The following TRANK1 variants were observed in gnomAD, a reference collection of about 807,000 sequenced individuals.
TRANK1 encodes TPR and ankyrin repeat-containing protein 1.
In TRANK1, 198 loss-of-function variants were observed where a neutral mutation model predicts 266.0. The ratio of observed to expected loss-of-function variants is 0.74; its 90% CI spans 0.66 to 0.84. The LOEUF is 0.84. TRANK1 is among the 40% of genes least tolerant of loss of function. The pLI is 0.00. For synonymous variants in TRANK1, 1,396 were observed against 1,384.1 expected, an observed-to-expected ratio of 1.01 and a Z score of -0.19; for missense variants, 3,326 against 3,634.6, an observed-to-expected ratio of 0.92 and a Z score of 2.18.
intron 8 of TRANK1, among the ~76,000 whole-genome samples, chr3:36,879,664 AT>A (rs1187456935): frequency 1.0e-5 from 1 of 99,236 alleles, no homozygotes; most frequent in Non-Finnish European, 1.8e-5. Flanking sequence ...AAATATATAA[AT>A]ATATATAAAT....
At chr3:36,917,754 C>A (rs1019129714) in intron 1 of TRANK1, among the ~76,000 whole-genome samples, 4 of 152,052 alleles carry the variant, frequency 2.6e-5, no homozygotes, top group African/African-American at 9.6e-5. Context: ...GCAATATTGC[C>A]CCCAAAGGAA....
At chr3:36,928,296 G>A (rs1575328023) in intron 1 of TRANK1, among the ~76,000 whole-genome samples, 1 of 152,260 alleles carries the variant, frequency 6.6e-6, no homozygotes, top group East Asian at 1.9e-4. Flanking sequence ...TGAAGGGAAT[G>A]GGGAAAAAGT....
chr3:36,928,229 C>CA (rs1488828913), intron 1 of TRANK1, among the ~76,000 whole-genome samples: 14 of 152,130 alleles, frequency 9.2e-5, no homozygotes, highest in Non-Finnish European at 1.8e-4. Flanking sequence ...CCTTGCAAAG[C>CA]AAAAATGAAG....
At chr3:36,897,968 CA>C (rs2079816979) in intron 4 of TRANK1, among the ~76,000 whole-genome samples, 1 of 152,184 alleles carries the variant, frequency 6.6e-6, no homozygotes, top group African/African-American at 2.4e-5. Flanking sequence ...TGCAGTGACA[CA>C]AAAGCTTCCC....
chr3:36,855,899 T>G lies in TRANK1; in HGVS notation c.3823A>C (p.Ile1275Leu). 6.2e-7 allele frequency: 1 copy of G among 1,613,734 alleles called. No homozygotes were observed. The highest frequency in any genetic ancestry group is 1.1e-5 in the South Asian group (1 of 91,064). Residue 1275 changes from isoleucine to leucine, a missense_variant, in exon 13 of 24, where the codon ATA (isoleucine) becomes CTA (leucine). Coordinates refer to ENST00000645898, the MANE Select transcript of TRANK1 (RefSeq NM_001329998.2). ...NEDGSLKRTI[I>L]GWSAQEESTI... ...GACTCTTCCTGTGCAGACCATCCTA[T>G]GATGGTTCTTTTCAAGCTTCCATCT...
chr3:36,886,571 A>C (rs906082128), intron 8 of TRANK1, among the ~76,000 whole-genome samples: 2 of 152,188 alleles, frequency 1.3e-5, no homozygotes, highest in African/African-American at 4.8e-5. Flanking sequence ...AGGTGTGGTG[A>C]AAAGAGTGAA....
chr3:36,832,016 G>C lies in TRANK1; in HGVS notation c.7567C>G (p.Arg2523Gly). The change falls in exon 22 of 24, where the codon CGG becomes GGG. Residue 2523 changes from arginine to glycine, a missense_variant. Arg to Gly is a moderately radical substitution (Grantham distance 125). Coordinates refer to ENST00000645898, the MANE Select transcript of TRANK1 (RefSeq NM_001329998.2). ...TTGGCGAGGTAGGAGAGATGGAACC[G>C]GAAATCCTGAATGGCTCTTGTCACG... ...KDVTRAIQDF[R>G]FHLSYLAKVL... 1 of 1,613,976 alleles carries C rather than the reference G, an allele frequency of 6.2e-7. No homozygotes were observed. Among genetic ancestry groups the C allele is most frequent in the South Asian group, 1.1e-5 (1 of 91,080 alleles).
In TRANK1 at chr3:36,882,837, A is replaced by T. The variant is rs183037095; in HGVS notation, c.907+6992T>A. 2.4e-3 allele frequency among the ~76,000 whole-genome samples: 371 copies of T among 152,370 alleles called. 2 individuals carry two copies. Among genetic ancestry groups the T allele is most frequent in the African/African-American group, 8.0e-3 (333 of 41,586 alleles). ...GGAAAGAGACATGAACATATAATTC[A>T]TAGTAAAAGATATTAAAGTGATTCT... On this transcript the variant is annotated intron_variant, in intron 8 of 23. Coordinates refer to ENST00000645898, the MANE Select transcript of TRANK1 (RefSeq NM_001329998.2).
chr3:36,850,437 A>G, intron 15 of TRANK1: 1 of 985,430 alleles, frequency 1.0e-6, no homozygotes, highest in East Asian at 1.1e-4. Flanking sequence ...TCTGCCATCT[A>G]CATTACGACT....
At chr3:36,943,259 A>G (rs1188454809) in intron 1 of TRANK1, among the ~76,000 whole-genome samples, 1 of 152,110 alleles carries the variant, frequency 6.6e-6, no homozygotes, top group Non-Finnish European at 1.5e-5. Context: ...AAGAATAACT[A>G]TACCATGAAG....
intron 9 of TRANK1, among the ~76,000 whole-genome samples, chr3:36,871,849 T>C (rs1209357516): frequency 6.6e-6 from 1 of 152,214 alleles, no homozygotes; most frequent in Non-Finnish European, 1.5e-5. Context: ...CTTTTCTCAC[T>C]CTGGCAATTG....
chr3:36,905,736 T>C (rs1272300968), intron 2 of TRANK1, among the ~76,000 whole-genome samples: 2 of 152,170 alleles, frequency 1.3e-5, no homozygotes, highest in African/African-American at 4.8e-5. Flanking sequence ...CTCTGCAGTA[T>C]GATTCATGCT....
At chr3:36,838,786 T>A in intron 18 of TRANK1, 70 bp from the exon 19 acceptor site, 1 of 1,466,326 alleles carries the variant, frequency 6.8e-7, no homozygotes, top group Non-Finnish European at 9.4e-7. Context: ...GGTTAAAGCA[T>A]GCATTATAAG....
intron 2 of TRANK1, among the ~76,000 whole-genome samples, chr3:36,906,640 A>G (rs1163515619): frequency 6.6e-6 from 1 of 152,200 alleles, no homozygotes; most frequent in Non-Finnish European, 1.5e-5. Context: ...GGAGAAGGCA[A>G]GGTGATGACA....
intron 11 of TRANK1, 122 bp from the exon 12 acceptor site, chr3:36,859,016 A>C: frequency 8.3e-7 from 1 of 1,210,784 alleles, no homozygotes; most frequent in Non-Finnish European, 1.1e-6. Flanking sequence ...AACTTCCAAG[A>C]TCCTCCTACC....
rs754646576 is a variant in TRANK1, at chr3:36,831,501, C to A, written c.8082G>T (p.Met2694Ile). ...EPECEFGQDE[M>I]DELALEDRDH... Reference sequence around the variant, plus strand: ...CTCGGTCTTCTAATGCCAGTTCATCCATCTCATCCTGGCCAAACTCACACT... The same window carrying A: ...CTCGGTCTTCTAATGCCAGTTCATCAATCTCATCCTGGCCAAACTCACACT... Residue 2694 changes from methionine (M) to isoleucine (I), a missense_variant, in exon 22 of 24, where the codon ATG (methionine) becomes ATT (isoleucine). Transcript: ENST00000645898. This position sits in a 1 kb window ranked among gnomAD's most constrained non-coding sequence, Gnocchi z 5.0. The A allele has an allele frequency of 6.2e-7, 1 of 1,613,260 alleles. No individual in the cohort carries two copies. The highest frequency in any genetic ancestry group is 1.1e-5 in the South Asian group (1 of 90,896).
At chr3:36,838,764 A>G in intron 18 of TRANK1, 48 bp from the exon 19 acceptor site, 1 of 1,557,836 alleles carries the variant, frequency 6.4e-7, no homozygotes, top group Non-Finnish European at 8.8e-7. Context: ...TGGAGGTAAC[A>G]GACAGAACAA....
In TRANK1 at chr3:36,827,904, T is replaced by A. The variant is rs889998183; in HGVS notation, c.*371A>T. On this transcript the variant is annotated 3_prime_UTR_variant, in exon 24 of 24. Transcript: ENST00000645898. The stretch of plus-strand genomic sequence containing the variant: ...TGGCCCAGAGCAGCAGCAACTGAGG[T>A]GAGGAGAGTCTGTCCTAACACCTAG... The A allele has an allele frequency of 5.9e-6, 1 of 170,630 alleles. No individual in the cohort carries two copies. The highest frequency in any genetic ancestry group is 2.4e-5 in the African/African-American group (1 of 41,956). The allele number at this position is 170,630 out of a possible 1,614,324, so 10.6% of individuals were successfully genotyped here.
rs1240984764 is a variant in TRANK1 at position 36,944,824 on chromosome 3, G to A, written c.-15C>T. 4 of 1,483,226 alleles carry A rather than the reference G, an allele frequency of 2.7e-6. No individual in the cohort carries two copies. The highest frequency in any genetic ancestry group is 3.6e-6 in the Non-Finnish European group (4 of 1,123,734). The allele number at this position is 1,483,226 out of a possible 1,614,324, so 91.9% of individuals were successfully genotyped here. A position where few individuals can be genotyped will look rare whatever the true frequency, so the allele number is the denominator to read the frequency against. The stretch of plus-strand genomic sequence containing the variant: ...GGGTCCCACATGGCTGCGGCCGGAG[G>A]GTCCGCACCAGGACCGCCGCCGCCT... On this transcript the variant is annotated 5_prime_UTR_variant, in exon 1 of 24. Coordinates refer to ENST00000645898, the MANE Select transcript of TRANK1 (RefSeq NM_001329998.2).
Sources: gnomAD v4.1 joint callset for allele counts (sites outside exome capture counted in the v4.1 genomes callset) on GRCh38, gnomAD v4.1.1 for gene constraint, Gnocchi (gnomAD v3.1) non-coding constraint, MANE v1.5 for transcripts, NCBI Gene and HGNC (gene_info 2026-07-23, HGNC 2026-07-21) for gene names.